Variants in GLIS3 observed in about 807,000 individuals in gnomAD.
GLIS3 encodes the protein zinc finger protein GLIS3.
A neutral mutation model predicts 78.6 loss-of-function variants in GLIS3; 53 were observed. That is an observed-to-expected ratio of 0.67 (90% confidence interval 0.54 to 0.85). The LOEUF is 0.85. GLIS3 is among the 40% of genes least tolerant of loss of function. GLIS3 has a pLI of 0.00. For missense variants in GLIS3, 1,703 were observed against 1,231.1 expected, an observed-to-expected ratio of 1.38 and a Z score of -5.74; for synonymous variants, 684 against 509.9, an observed-to-expected ratio of 1.34 and a Z score of -4.60.
At chr9:4,072,860 G>A (rs1342421787) in intron 4 of GLIS3, among the ~76,000 whole-genome samples, 1 of 151,994 alleles carries the variant, frequency 6.6e-6, no homozygotes, top group Non-Finnish European at 1.5e-5. Flanking sequence ...CAGCCTAACC[G>A]AGTCATACTT....
chr9:4,448,918 G>C, the GLIS3 span, among the ~76,000 whole-genome samples: 3 of 152,200 alleles, frequency 2.0e-5, no homozygotes, highest in Non-Finnish European at 1.5e-5. Context: ...AGAAGACAGT[G>C]ATTTCTGCAT....
chr9:4,287,107 A>T (rs1340952370), intron 1 of GLIS3, among the ~76,000 whole-genome samples: 2 of 152,190 alleles, frequency 1.3e-5, no homozygotes. Context: ...CATATATTCA[A>T]ATATTCATGG....
chr9:4,447,348 T>C, the GLIS3 span, among the ~76,000 whole-genome samples: 1 of 152,162 alleles, frequency 6.6e-6, no homozygotes, highest in Non-Finnish European at 1.5e-5. Flanking sequence ...CCATGCCTGA[T>C]ACAGGAGTGA....
intron 1 of GLIS3, among the ~76,000 whole-genome samples, chr9:4,287,899 T>C (rs1828136725): frequency 6.6e-6 from 1 of 152,252 alleles, no homozygotes; most frequent in Non-Finnish European, 1.5e-5. Flanking sequence ...TAATTAACAA[T>C]ATAAAATGTA....
intron 4 of GLIS3, among the ~76,000 whole-genome samples, chr9:4,029,584 T>C (rs1823644230): frequency 6.6e-6 from 1 of 152,022 alleles, no homozygotes; most frequent in Non-Finnish European, 1.5e-5. Context: ...CATCCCTGCC[T>C]GTCCCCCTCC....
At chr9:3,894,838 T>A (rs973550911) in intron 7 of GLIS3, among the ~76,000 whole-genome samples, 1 of 152,148 alleles carries the variant, frequency 6.6e-6, no homozygotes, top group Non-Finnish European at 1.5e-5. Context: ...ATCAATAAAA[T>A]TCCCTTCTTC....
At chr9:4,111,539 G>C (rs971115236) in intron 4 of GLIS3, among the ~76,000 whole-genome samples, 1 of 152,214 alleles carries the variant, frequency 6.6e-6, no homozygotes, top group Non-Finnish European at 1.5e-5. Flanking sequence ...TTTGGGATAT[G>C]AAATCCTATT....
At chr9:4,209,101 G>GT (rs1820141413) in intron 2 of GLIS3, among the ~76,000 whole-genome samples, 1 of 152,098 alleles carries the variant, frequency 6.6e-6, no homozygotes, top group South Asian at 2.1e-4. Flanking sequence ...TATAAATTAC[G>GT]TAAGTCCTAA....
intron 4 of GLIS3, among the ~76,000 whole-genome samples, chr9:4,027,638 T>C (rs1823455786): frequency 3.9e-5 from 6 of 152,192 alleles, no homozygotes; most frequent in Admixed American, 2.6e-4. Flanking sequence ...ATAAATAACA[T>C]GTACTGTGCT....
At chr9:4,346,404 A>G (rs1352414466) in intron 2 of GLIS3, among the ~76,000 whole-genome samples, 4 of 150,918 alleles carry the variant, frequency 2.7e-5, no homozygotes, top group South Asian at 4.2e-4. Context: ...CCCTGCCCTG[A>G]AGCATTAAAA....
At chr9:4,004,597 G>C (rs1264280598) in intron 4 of GLIS3, among the ~76,000 whole-genome samples, 3 of 152,146 alleles carry the variant, frequency 2.0e-5, no homozygotes, top group African/African-American at 4.8e-5. Flanking sequence ...GAGAAGTTTG[G>C]CATCACTGAG....
At chr9:4,175,568 A>T (rs1449711747) in intron 2 of GLIS3, among the ~76,000 whole-genome samples, 1 of 152,176 alleles carries the variant, frequency 6.6e-6, no homozygotes, top group Non-Finnish European at 1.5e-5. Flanking sequence ...AGACCCTGAA[A>T]ATCAGAAACT....
the GLIS3 span, among the ~76,000 whole-genome samples, chr9:4,412,328 T>A: frequency 6.6e-6 from 1 of 152,214 alleles, no homozygotes; most frequent in African/African-American, 2.4e-5. Flanking sequence ...TTTAGTGGAC[T>A]AAAAGTTACC....
intron 2 of GLIS3, among the ~76,000 whole-genome samples, chr9:4,243,573 G>C (rs991770113): frequency 6.6e-6 from 1 of 152,236 alleles, no homozygotes; most frequent in Non-Finnish European, 1.5e-5. Context: ...TTATTTTGCT[G>C]GTTATTTTGC....
chr9:4,364,317 A>G, the GLIS3 span, among the ~76,000 whole-genome samples: 4 of 152,260 alleles, frequency 2.6e-5, no homozygotes, highest in African/African-American at 9.6e-5. Context: ...TTTACATTAG[A>G]AAATTCCTTC....
At chr9:4,468,199 G>C in the GLIS3 span, among the ~76,000 whole-genome samples, 1 of 152,178 alleles carries the variant, frequency 6.6e-6, no homozygotes, top group Non-Finnish European at 1.5e-5. Flanking sequence ...GAACCAAGTT[G>C]GAAAACACTC....
chr9:4,109,548 C>G (rs1161137072), intron 4 of GLIS3, among the ~76,000 whole-genome samples: 1 of 152,192 alleles, frequency 6.6e-6, no homozygotes. Flanking sequence ...AAACTATAAA[C>G]TTTAAGAGAT....
chr9:3,985,261 G>T (rs1393794271), intron 4 of GLIS3, among the ~76,000 whole-genome samples: 3 of 152,072 alleles, frequency 2.0e-5, no homozygotes, highest in African/African-American at 7.2e-5. Context: ...TCCCACCTCA[G>T]CCTCCTGAGT....
At chr9:3,956,433 G>C (rs1306541721) in intron 4 of GLIS3, among the ~76,000 whole-genome samples, 1 of 152,152 alleles carries the variant, frequency 6.6e-6, no homozygotes, top group Non-Finnish European at 1.5e-5. Flanking sequence ...AACAGGCTTT[G>C]ATGCCCTTTG....
Sources: gnomAD v4.1 joint callset for allele counts (sites outside exome capture counted in the v4.1 genomes callset) on GRCh38, gnomAD v4.1.1 for gene constraint, MANE v1.5 for transcripts, NCBI Gene and HGNC (gene_info 2026-07-23, HGNC 2026-07-21) for gene names.